RIPOR2: variants seen among roughly 807,000 people sequenced by gnomAD.
The protein encoded by RIPOR2 is RHO family interacting cell polarization regulator 2.
In RIPOR2, 39 loss-of-function variants were observed where a neutral mutation model predicts 114.5. The observed-to-expected ratio is 0.34, with a 90% confidence interval of 0.26 to 0.44. The LOEUF is 0.44. Among genes scored for constraint, RIPOR2 ranks in the 20% least tolerant of loss-of-function variants. The probability of loss-of-function intolerance (pLI) is 1.00; values close to 1 mark genes in which losing one functional copy is unlikely to be tolerated. For missense variants in RIPOR2, 1,007 were observed against 1,255.1 expected, an observed-to-expected ratio of 0.80 and a Z score of 2.99; for synonymous variants, 445 against 484.4, an observed-to-expected ratio of 0.92 and a Z score of 1.07.
chr6:24,898,104 A>C (rs1287809493), intron 1 of RIPOR2, among the ~76,000 whole-genome samples: 2 of 152,088 alleles, frequency 1.3e-5, no homozygotes, highest in Non-Finnish European at 2.9e-5. Flanking sequence ...CATCAAGCCA[A>C]AGTGTAATGC....
intron 13 of RIPOR2, chr6:24,839,810 G>C: frequency 1.5e-6 from 2 of 1,344,906 alleles, no homozygotes; most frequent in Non-Finnish European, 1.9e-6. Context: ...CAATGTCTTC[G>C]GTGTTTTACA....
At chr6:25,024,429 G>A in intron 1 of RIPOR2, 2 of 1,036,668 alleles carry the variant, frequency 1.9e-6, no homozygotes, top group Non-Finnish European at 3.0e-6. Flanking sequence ...GAGGATGCAG[G>A]AGGTGTCCAG....
intron 1 of RIPOR2, among the ~76,000 whole-genome samples, chr6:24,974,400 C>A (rs776787390): frequency 7.6e-6 from 1 of 131,236 alleles, no homozygotes; most frequent in South Asian, 2.1e-4. Flanking sequence ...ACAAAAAAAC[C>A]CAATTGAAAT....
At position 24,810,377 on chromosome 6, in the gene RIPOR2, T is replaced by C. The variant is rs188288619; in HGVS notation, c.2953-570A>G. Among the ~76,000 whole-genome samples the C allele has an allele frequency of 2.3e-4, 35 of 152,338 alleles. 1 individual carries two copies. Among genetic ancestry groups the C allele is most frequent in the Admixed American group, 1.4e-3 (22 of 15,288 alleles). ...GAGTAGAATCCATTTTCCCTGGTTCTTTCCACTGAATCTCACTGATTCCAA... is the reference window on the plus strand; with the variant it reads ...GAGTAGAATCCATTTTCCCTGGTTCCTTCCACTGAATCTCACTGATTCCAA... On this transcript the variant is annotated intron_variant, in intron 20 of 21. Transcript: ENST00000643898.
chr6:25,002,409 C>A (rs1323750744), intron 1 of RIPOR2, among the ~76,000 whole-genome samples: 1 of 152,184 alleles, frequency 6.6e-6, no homozygotes, highest in Non-Finnish European at 1.5e-5. Flanking sequence ...GTATGTATTT[C>A]TTCATTGTTC....
chr6:24,974,253 G>A (rs1581897575), intron 1 of RIPOR2, among the ~76,000 whole-genome samples: 1 of 152,102 alleles, frequency 6.6e-6, no homozygotes, highest in African/African-American at 2.4e-5. Flanking sequence ...GGATGCGGTG[G>A]TGAGCACCTG....
At chr6:24,989,766 T>C (rs1045908747) in intron 1 of RIPOR2, among the ~76,000 whole-genome samples, 1 of 151,718 alleles carries the variant, frequency 6.6e-6, no homozygotes, top group Non-Finnish European at 1.5e-5. Flanking sequence ...ATACCCTGGC[T>C]GGGCGCGGTG....
chr6:24,979,473 G>C (rs770646421), intron 1 of RIPOR2, among the ~76,000 whole-genome samples: 4 of 151,992 alleles, frequency 2.6e-5, no homozygotes, highest in Non-Finnish European at 5.9e-5. Context: ...ATTTTGAAAA[G>C]GTCCTGATAG....
intron 1 of RIPOR2, among the ~76,000 whole-genome samples, chr6:24,921,834 T>C (rs981433689): frequency 6.6e-6 from 1 of 151,914 alleles, no homozygotes; most frequent in Non-Finnish European, 1.5e-5. Flanking sequence ...CTTTCTTTCT[T>C]TTTTTTAAAA....
At chr6:25,008,300 G>C (rs1775640826) in intron 1 of RIPOR2, among the ~76,000 whole-genome samples, 1 of 152,146 alleles carries the variant, frequency 6.6e-6, no homozygotes, top group Non-Finnish European at 1.5e-5. Flanking sequence ...ACAGGCGTGA[G>C]CCACCGTGCC....
At chr6:24,840,471 G>A in intron 13 of RIPOR2, 27 of 1,349,940 alleles carry the variant, frequency 2.0e-5, no homozygotes, top group Non-Finnish European at 2.6e-5. Context: ...GTTGCTATGG[G>A]CACAGAGTTG....
At chr6:24,863,016 C>T (rs1764228294) in intron 7 of RIPOR2, among the ~76,000 whole-genome samples, 1 of 151,940 alleles carries the variant, frequency 6.6e-6, no homozygotes, top group African/African-American at 2.4e-5. Flanking sequence ...GTAGTGGCGC[C>T]GTCTCAGCTC....
chr6:24,948,212 C>T (rs965029645), intron 1 of RIPOR2: 15 of 152,146 alleles, frequency 9.9e-5, no homozygotes, highest in Admixed American at 2.6e-4. Flanking sequence ...AATTAGTCTT[C>T]GATTCTTATA....
chr6:25,034,609 C>T (rs1459310922), intron 1 of RIPOR2, among the ~76,000 whole-genome samples: 1 of 152,206 alleles, frequency 6.6e-6, no homozygotes, highest in Non-Finnish European at 1.5e-5. Flanking sequence ...TTAGATCCTT[C>T]ATCAAACAAA....
chr6:24,936,033 G>A (rs760623249), upstream of RIPOR2: 3 of 634,752 alleles, frequency 4.7e-6, no homozygotes, highest in Non-Finnish European at 8.3e-6. Context: ...CTGCCCTGAA[G>A]AAAGCAGTTT....
intron 12 of RIPOR2, among the ~76,000 whole-genome samples, chr6:24,846,552 T>A (rs796396531): frequency 1.8e-4 from 27 of 152,128 alleles, no homozygotes; most frequent in African/African-American, 6.5e-4. Context: ...GCAATCCACC[T>A]GCCTTGGCCT....
chr6:24,839,072 A>G lies in RIPOR2; in HGVS notation c.2039+19T>C. ...GCTGTGACAGGAGAAATATAAGGAG[A>G]CACTAACTTCAGACTTACCTGTGTT... On this transcript the variant is annotated intron_variant, in intron 14 of 21. Coordinates refer to ENST00000643898, the MANE Select transcript of RIPOR2 (RefSeq NM_001286445.3). 6.5e-7 allele frequency: 1 copy of G among 1,541,140 alleles called. No individual in the cohort carries two copies. The highest frequency in any genetic ancestry group is 8.8e-7 in the Non-Finnish European group (1 of 1,138,244).
intron 4 of RIPOR2, among the ~76,000 whole-genome samples, chr6:24,871,202 C>T (rs1765128671): frequency 6.6e-6 from 1 of 152,076 alleles, no homozygotes; most frequent in South Asian, 2.1e-4. Context: ...TTGCTTTGAG[C>T]TCTCCCGTCC....
At chr6:24,983,595 A>T (rs929682562) in intron 1 of RIPOR2, among the ~76,000 whole-genome samples, 2 of 151,902 alleles carry the variant, frequency 1.3e-5, no homozygotes, top group African/African-American at 2.4e-5. Context: ...TGTCTCTACT[A>T]AAAATACAAA....
Sources: allele counts gnomAD v4.1 joint callset (sites outside exome capture counted in the v4.1 genomes callset), GRCh38; gene constraint gnomAD v4.1.1; transcripts MANE v1.5; gene names NCBI Gene and HGNC (gene_info 2026-07-23, HGNC 2026-07-21).